Variants in PKD1L1 observed in about 807,000 individuals in gnomAD.
PKD1L1 encodes polycystin-1-like protein 1.
A neutral mutation model predicts 323.4 loss-of-function variants in PKD1L1; 236 were observed. That is an observed-to-expected ratio of 0.73 (90% CI 0.66 to 0.81). PKD1L1 has a LOEUF of 0.81. PKD1L1 is among the 40% of genes least tolerant of loss of function. The pLI is 0.00. For synonymous variants in PKD1L1, 1,344 were observed against 1,335.0 expected, an observed-to-expected ratio of 1.01 and a Z score of -0.15; for missense variants, 3,320 against 3,508.0, an observed-to-expected ratio of 0.95 and a Z score of 1.35.
rs542511333 is a variant in PKD1L1 at position 47,926,546 on chromosome 7, A to G, written c.1060+2658T>C. Among the ~76,000 whole-genome samples the G allele has an allele frequency of 5.3e-5, 8 of 152,368 alleles. No individual in the cohort carries two copies. The East Asian group carries it at 1.5e-3, about 29-fold the overall frequency. On this transcript the variant is annotated intron_variant, in intron 7 of 56. Transcript: ENST00000289672. ...GACCATGGTCACTCATATTTGGCTCAGAATAAATCTATTCAAAAATTTTAC... is the reference window on the plus strand; with the variant it reads ...GACCATGGTCACTCATATTTGGCTCGGAATAAATCTATTCAAAAATTTTAC...
intron 52 of PKD1L1, among the ~76,000 whole-genome samples, chr7:47,805,761 T>A (rs138631722): frequency 1.3e-5 from 2 of 152,334 alleles, no homozygotes; most frequent in East Asian, 3.9e-4. Flanking sequence ...CAGAGGCCAA[T>A]TCCAGTGCAG....
chr7:47,846,750 G>T, intron 32 of PKD1L1, 129 bp downstream of exon 32: 1 of 841,732 alleles, frequency 1.2e-6, no homozygotes, highest in Non-Finnish European at 1.8e-6. Flanking sequence ...CTGGAGAGTT[G>T]TACAAACCAA....
At chr7:47,836,242 C>A (rs1296359535) in intron 37 of PKD1L1, among the ~76,000 whole-genome samples, 1 of 152,146 alleles carries the variant, frequency 6.6e-6, no homozygotes, top group Non-Finnish European at 1.5e-5. Flanking sequence ...CCCGGCTGTC[C>A]CATGGATGGG....
chr7:47,917,874 A>G (rs929490234), intron 7 of PKD1L1, among the ~76,000 whole-genome samples: 1 of 152,172 alleles, frequency 6.6e-6, no homozygotes, highest in African/African-American at 2.4e-5. Flanking sequence ...TCTTTAAAGC[A>G]TAAATCTCAC....
chr7:47,888,302 A>G, intron 16 of PKD1L1, 152 bp from the exon 17 acceptor site: 1 of 777,048 alleles, frequency 1.3e-6, no homozygotes, highest in Non-Finnish European at 2.0e-6. Flanking sequence ...GATGGCACAT[A>G]TGGAGTGGCC....
At chr7:47,809,647 A>G (rs1784853407) in intron 50 of PKD1L1, 70 bp from the exon 51 acceptor site, 1 of 1,139,578 alleles carries the variant, frequency 8.8e-7, no homozygotes, top group Admixed American at 2.9e-5. Flanking sequence ...AGGTCTAAAC[A>G]TGTGACCAGC....
rs76415966 is a variant in PKD1L1, at chr7:47,831,432, T to C, written c.6338-80A>G. 2,530 of 1,515,450 alleles carry C rather than the reference T, an allele frequency of 1.7e-3. 35 individuals carry two copies. In the African/African-American group the frequency reaches 0.03, roughly 18 times the overall value. 93.9% of individuals were successfully genotyped at this position (1,515,450 alleles called of 1,614,324 possible). On this transcript the variant is annotated intron_variant, in intron 41 of 56. Transcript: ENST00000289672. Reference sequence around the variant, plus strand: ...CCACGCGGAGTGTGGTGGTGAATCTTAGGTGTCAACTAGGCTGGGTCGTAG... The same window carrying C: ...CCACGCGGAGTGTGGTGGTGAATCTCAGGTGTCAACTAGGCTGGGTCGTAG...
At chr7:47,923,276 T>C (rs1023848740) in intron 7 of PKD1L1, among the ~76,000 whole-genome samples, 8 of 148,328 alleles carry the variant, frequency 5.4e-5, no homozygotes, top group African/African-American at 1.8e-4. Context: ...TCCAGTATTG[T>C]CCTATGACCC....
chr7:47,835,107 G>C, intron 38 of PKD1L1, 26 bp downstream of exon 38: 1 of 1,602,432 alleles, frequency 6.2e-7, no homozygotes, highest in Non-Finnish European at 8.5e-7. Flanking sequence ...CAGGAGAACA[G>C]GGCCATGAGG....
chr7:47,803,197 G>T lies in PKD1L1; in HGVS notation c.7962+13C>A. 6.2e-7 allele frequency: 1 copy of T among 1,614,022 alleles called. No individual in the cohort carries two copies. Among genetic ancestry groups the T allele is most frequent in the Non-Finnish European group, 8.5e-7 (1 of 1,179,940 alleles). On this transcript the variant is annotated intron_variant, in intron 53 of 56. Transcript: ENST00000289672. ...TACAAGGGAAATCACCTGATAAAGG[G>T]GAGAGTTCTTACCCCTGCTACAAAG...
chr7:47,828,909 C>T (rs2128734677), intron 44 of PKD1L1, among the ~76,000 whole-genome samples: 1 of 152,298 alleles, frequency 6.6e-6, no homozygotes. Context: ...ATTTCAGGTG[C>T]TTAGTCAATG....
the PKD1L1 span, among the ~76,000 whole-genome samples, chr7:47,960,491 C>T: frequency 6.8e-6 from 1 of 146,850 alleles, no homozygotes; most frequent in Admixed American, 6.8e-5. Context: ...TTGGAGATGG[C>T]GTTTCTGTTT....
intron 56 of PKD1L1, among the ~76,000 whole-genome samples, chr7:47,779,633 T>C (rs1271480791): frequency 1.3e-5 from 2 of 152,194 alleles, no homozygotes; most frequent in African/African-American, 2.4e-5. Context: ...TGGCTCCACC[T>C]TTACAGAGTC....
At chr7:47,788,582 T>A (rs370154133) in intron 56 of PKD1L1, among the ~76,000 whole-genome samples, 23,769 of 143,626 alleles carry the variant, frequency 0.17, 2,235 homozygotes, top group East Asian at 0.32. Flanking sequence ...TATATATTTT[T>A]TTTTTTTAAT....
intron 13 of PKD1L1, among the ~76,000 whole-genome samples, chr7:47,900,116 A>G (rs1464124536): frequency 6.6e-6 from 1 of 152,162 alleles, no homozygotes. Flanking sequence ...TATTGTTTCT[A>G]TTCTGAATAT....
chr7:47,813,002 T>G, intron 49 of PKD1L1, 119 bp downstream of exon 49: 1 of 1,260,870 alleles, frequency 7.9e-7, no homozygotes, highest in Non-Finnish European at 1.1e-6. Flanking sequence ...AGTGGTGCGC[T>G]GACCTCGCAG....
At chr7:47,866,388 G>A in intron 25 of PKD1L1, 31 bp downstream of exon 25, 1 of 1,599,558 alleles carries the variant, frequency 6.3e-7, no homozygotes, top group South Asian at 1.1e-5. Flanking sequence ...AAGGTTTACA[G>A]ACACTAAACT....
At chr7:47,812,974 C>A (rs533417474) in intron 49 of PKD1L1, 147 bp downstream of exon 49, 57 of 901,460 alleles carry the variant, frequency 6.3e-5, no homozygotes, top group Admixed American at 2.8e-4. Context: ...AATGACAAGT[C>A]TGGCTGGAGC....
At chr7:47,815,554 T>G in intron 46 of PKD1L1, 97 bp from the exon 47 acceptor site, 3 of 1,374,956 alleles carry the variant, frequency 2.2e-6, no homozygotes, top group East Asian at 4.6e-5. Flanking sequence ...TTTTCTCTCA[T>G]TCAGATTTCA....
Sources: gnomAD v4.1 joint callset for allele counts (sites outside exome capture counted in the v4.1 genomes callset) on GRCh38, gnomAD v4.1.1 for gene constraint, MANE v1.5 for transcripts, NCBI Gene and HGNC (gene_info 2026-07-23, HGNC 2026-07-21) for gene names.